SLC7A9: variants seen among roughly 807,000 people sequenced by gnomAD.
The protein encoded by SLC7A9 is solute carrier family 7 member 9.
SLC7A9 carries 38 observed loss-of-function variants against 54.1 expected under a neutral mutation model. The ratio of observed to expected loss-of-function variants is 0.70; its 90% CI spans 0.54 to 0.92. SLC7A9 has a LOEUF of 0.92. SLC7A9 is among the 40% of genes least tolerant of loss of function. SLC7A9 has a pLI of 0.00. For synonymous variants in SLC7A9, 264 were observed against 258.9 expected (o/e 1.02, Z -0.19); for missense variants, 537 against 636.1 (o/e 0.84, Z 1.68).
chr19:32,866,930 C>T (rs1342696866), intron 2 of SLC7A9, among the ~76,000 whole-genome samples: 5 of 152,206 alleles, frequency 3.3e-5, no homozygotes, highest in African/African-American at 1.2e-4. Context: ...GCCTGAAGCC[C>T]TCCCTGCGCC....
chr19:32,841,459 C>T (rs999443286), intron 11 of SLC7A9, among the ~76,000 whole-genome samples: 4 of 152,090 alleles, frequency 2.6e-5, no homozygotes, highest in Admixed American at 2.6e-4. Context: ...GGCATAGTGG[C>T]TCACACCTGT....
At chr19:32,859,719 A>C in intron 8 of SLC7A9, 122 bp downstream of exon 8, 1 of 908,514 alleles carries the variant, frequency 1.1e-6, no homozygotes, top group Non-Finnish European at 1.8e-6. Context: ...TGCCCAGTCC[A>C]TGTCCCCGTC....
intron 9 of SLC7A9, among the ~76,000 whole-genome samples, chr19:32,854,790 G>A (rs570655042): frequency 1.7e-4 from 26 of 152,136 alleles, no homozygotes; most frequent in Admixed American, 3.3e-4. Context: ...GTTTCACCAT[G>A]TTGGCCAGTT....
At chr19:32,860,327 T>C in intron 7 of SLC7A9, 3 of 1,378,568 alleles carry the variant, frequency 2.2e-6, no homozygotes, top group Non-Finnish European at 2.8e-6. Flanking sequence ...GAGGCCGAGA[T>C]GGGCGAATCT....
chr19:32,868,685 C>T (rs1298344688), intron 1 of SLC7A9, 40 bp from the exon 2 acceptor site: 6 of 707,722 alleles, frequency 8.5e-6, no homozygotes, highest in Admixed American at 5.9e-5. Flanking sequence ...CAGGTGGGGG[C>T]CGCTGCCAGT....
chr19:32,861,313 TAG>T (rs1302125172), intron 6 of SLC7A9, among the ~76,000 whole-genome samples: 1 of 148,466 alleles, frequency 6.7e-6, no homozygotes, highest in Admixed American at 6.7e-5. Context: ...GCCTGGGTAA[TAG>T]AGTGAGACTC....
intron 2 of SLC7A9, among the ~76,000 whole-genome samples, chr19:32,868,156 G>A (rs1415001489): frequency 6.7e-6 from 1 of 148,938 alleles, no homozygotes; most frequent in Non-Finnish European, 1.5e-5. Context: ...CCTTGAACCG[G>A]GGAGGTGAAG....
At chr19:32,850,342 T>C (rs1968432994) in intron 9 of SLC7A9, among the ~76,000 whole-genome samples, 1 of 149,264 alleles carries the variant, frequency 6.7e-6, no homozygotes, top group Non-Finnish European at 1.5e-5. Flanking sequence ...AGTCTCAGGA[T>C]ACAAAATCAA....
intron 12 of SLC7A9, among the ~76,000 whole-genome samples, chr19:32,832,349 G>A (rs1967822645): frequency 6.6e-6 from 1 of 151,764 alleles, no homozygotes; most frequent in Non-Finnish European, 1.5e-5. Context: ...CACTTTGGGA[G>A]GCCGAGGTGG....
intron 9 of SLC7A9, among the ~76,000 whole-genome samples, chr19:32,855,380 C>G (rs1968588876): frequency 6.6e-6 from 1 of 152,154 alleles, no homozygotes; most frequent in Non-Finnish European, 1.5e-5. Flanking sequence ...GCTTCCTGTG[C>G]CCAGTGATCG....
chr19:32,864,764 T>A lies in SLC7A9; in HGVS notation c.100A>T (p.Ser34Cys). 2 of 1,614,120 alleles carry A rather than the reference T, an allele frequency of 1.2e-6. No homozygotes were observed. The highest frequency in any genetic ancestry group is 2.2e-5 in the East Asian group (1 of 44,866). ...GTGCCCACGATGATGGAGATGCCAC[T>A]GATGAGGCCCAGCTGGGTGTGGAGG... ...TSLQKELGLI[S>C]GISIIVGTII... The change falls in exon 3 of 13, where the codon AGT becomes TGT. Residue 34 changes from serine (S) to cysteine (C), a missense_variant. Coordinates refer to ENST00000023064, the MANE Select transcript of SLC7A9 (RefSeq NM_014270.5).
At chr19:32,845,179 AATAAGAG>A (rs1243633512) in intron 9 of SLC7A9, among the ~76,000 whole-genome samples, 1 of 151,496 alleles carries the variant, frequency 6.6e-6, no homozygotes, top group African/African-American at 2.4e-5. Context: ...AATAAAAATA[AATAAGAG>A]GAGAAGATAT....
In SLC7A9 at chr19:32,869,728, C is replaced by G. The variant is rs1969082476; in HGVS notation, c.-154G>C. 2.0e-5 allele frequency: 3 copies of G among 152,250 alleles called. No individual in the cohort carries two copies. Among genetic ancestry groups the G allele is most frequent in the Admixed American group, 2.0e-4 (3 of 15,278 alleles). 9.4% of individuals were successfully genotyped at this position (152,250 alleles called of 1,614,324 possible). Reference sequence around the variant, plus strand: ...CAGAGCCGGAGGAGCTGCGGCCCAGCTGACCGCCCGTGCCTGCACGGTCCA... The same window carrying G: ...CAGAGCCGGAGGAGCTGCGGCCCAGGTGACCGCCCGTGCCTGCACGGTCCA... On this transcript the variant is annotated 5_prime_UTR_variant, in exon 1 of 13. Coordinates refer to ENST00000023064, the MANE Select transcript of SLC7A9 (RefSeq NM_014270.5).
At chr19:32,834,597 T>C (rs1394870459) in intron 11 of SLC7A9, among the ~76,000 whole-genome samples, 1 of 151,756 alleles carries the variant, frequency 6.6e-6, no homozygotes, top group Non-Finnish European at 1.5e-5. Context: ...GCCACTGCAC[T>C]CCAGCCCAGG....
intron 8 of SLC7A9, among the ~76,000 whole-genome samples, chr19:32,859,533 A>G (rs1180058625): frequency 6.6e-6 from 1 of 152,050 alleles, no homozygotes; most frequent in Non-Finnish European, 1.5e-5. Flanking sequence ...ATTATTATTT[A>G]GGGTGGTGCA....
intron 11 of SLC7A9, among the ~76,000 whole-genome samples, chr19:32,834,632 AATAAAGACC>A (rs1260270775): frequency 2.0e-5 from 3 of 152,098 alleles, no homozygotes; most frequent in Non-Finnish European, 4.4e-5. Context: ...TCTAAAAATA[AATAAAGACC>A]ATAACCTGGG....
In SLC7A9 at chr19:32,833,148, C is replaced by A. The variant is rs1355387159; in HGVS notation, c.1399+1G>T. The A allele has an allele frequency of 6.2e-7, 1 of 1,614,084 alleles. No homozygotes were observed. Among genetic ancestry groups the A allele is most frequent in the Non-Finnish European group, 8.5e-7 (1 of 1,179,940 alleles). Reference sequence around the variant, plus strand: ...CAAGCGGCCCTTCTGTTGGTACTTACTTGAGATTTTCTGAGCCCATCCAAA... The same window carrying A: ...CAAGCGGCCCTTCTGTTGGTACTTAATTGAGATTTTCTGAGCCCATCCAAA... On this transcript the variant is annotated splice_donor_variant, in intron 12 of 12. Transcript: ENST00000023064. LOFTEE classifies it high-confidence loss of function.
chr19:32,847,588 T>C (rs1968337827), intron 9 of SLC7A9, among the ~76,000 whole-genome samples: 1 of 152,046 alleles, frequency 6.6e-6, no homozygotes, highest in Non-Finnish European at 1.5e-5. Flanking sequence ...ACGGGGAGAA[T>C]GGAACCAAGT....
intron 1 of SLC7A9, 88 bp from the exon 2 acceptor site, chr19:32,868,733 C>T: frequency 1.6e-6 from 1 of 641,958 alleles, no homozygotes; most frequent in Non-Finnish European, 2.9e-6. Flanking sequence ...GAGTCAAAGT[C>T]AGTCATTAAC....
Sources: gnomAD v4.1 joint callset for allele counts (sites outside exome capture counted in the v4.1 genomes callset) on GRCh38, gnomAD v4.1.1 for gene constraint, MANE v1.5 for transcripts, NCBI Gene and HGNC (gene_info 2026-07-23, HGNC 2026-07-21) for gene names.